HHIP: variants seen among roughly 807,000 people sequenced by gnomAD.
The protein encoded by HHIP is hedgehog-interacting protein.
HHIP carries 12 observed loss-of-function variants against 74.0 expected under a neutral mutation model. That is an observed-to-expected ratio of 0.16 (90% CI 0.10 to 0.26). HHIP has a LOEUF of 0.26. HHIP is among the 10% of genes least tolerant of loss of function. The pLI is 1.00. For synonymous variants in HHIP, 309 were observed against 311.6 expected (o/e 0.99, Z 0.09); for missense variants, 788 against 845.0 (o/e 0.93, Z 0.84).
At chr4:144,703,175 C>CT (rs1730038552) in intron 4 of HHIP, among the ~76,000 whole-genome samples, 1 of 150,916 alleles carries the variant, frequency 6.6e-6, no homozygotes, top group Non-Finnish European at 1.5e-5. Flanking sequence ...GATTGCGCCA[C>CT]TGCACTCCAG....
At chr4:144,726,664 C>A (rs572556233) in intron 11 of HHIP, among the ~76,000 whole-genome samples, 9 of 152,194 alleles carry the variant, frequency 5.9e-5, no homozygotes, top group African/African-American at 2.2e-4. Flanking sequence ...AATATCAGCA[C>A]AACATGAAAG....
At chr4:144,650,220 T>C (rs1728379846) in intron 1 of HHIP, among the ~76,000 whole-genome samples, 1 of 152,132 alleles carries the variant, frequency 6.6e-6, no homozygotes, top group Non-Finnish European at 1.5e-5. Flanking sequence ...GTATCCCCTA[T>C]TTATCTTACC....
chr4:144,730,656 G>C (rs1466210374), intron 11 of HHIP, among the ~76,000 whole-genome samples: 1 of 152,072 alleles, frequency 6.6e-6, no homozygotes, highest in East Asian at 1.9e-4. Flanking sequence ...CTAAAGTTTT[G>C]TTTAGATTCT....
chr4:144,646,840 G>A lies in HHIP; in HGVS notation c.165G>A (p.Met55Ile). Residue 55 changes from methionine to isoleucine, a missense_variant, in exon 1 of 13, where the codon ATG becomes ATA. Around this residue, in one of 3 missense-constraint regions of HHIP, gnomAD observed 373 missense variants for 366.4 expected, o/e 1.02. Coordinates refer to ENST00000296575, the MANE Select transcript of HHIP (RefSeq NM_022475.3). ...PKRLKRRDRR[M>I]MSQLELLSGG... ...GCCTGAAAAGGAGAGACAGGAGGAT[G>A]ATGTCCCAGCTGGAGCTGCTGAGTG... The A allele has an allele frequency of 6.2e-7, 1 of 1,614,240 alleles. No homozygotes were observed. The highest frequency in any genetic ancestry group is 8.5e-7 in the Non-Finnish European group (1 of 1,180,040).
chr4:144,647,040 A>G lies in HHIP; in HGVS notation c.279+86A>G. On this transcript the variant is annotated intron_variant, in intron 1 of 12. Coordinates refer to ENST00000296575, the MANE Select transcript of HHIP (RefSeq NM_022475.3). ...TGGCTCTGGCAAAGCCGGTGGTTGT[A>G]AGAAGGTCAAAACTTCTTTGGGGGA... 5 of 1,253,540 alleles carry G rather than the reference A, an allele frequency of 4.0e-6. No homozygotes were observed. The South Asian group carries it at 7.4e-5, about 19-fold the overall frequency. The allele number at this position is 1,253,540 out of a possible 1,614,324, so 77.7% of individuals were successfully genotyped here. A position where few individuals can be genotyped will look rare whatever the true frequency, so the allele number is the denominator to read the frequency against.
intron 4 of HHIP, among the ~76,000 whole-genome samples, chr4:144,666,716 G>A (rs1489890058): frequency 6.6e-6 from 1 of 152,196 alleles, no homozygotes; most frequent in African/African-American, 2.4e-5. Context: ...GACTGGTGAT[G>A]GTTGGTGTCA....
At position 144,707,245 on chromosome 4, in the gene HHIP, A is replaced by T; in HGVS notation, c.1142A>T (p.Glu381Val). ...ATGATTACACTGGATGATATGGAAG[A>T]AATGGATGGGTTAAGGTAAAAGGCT... is the stretch of plus-strand genomic sequence containing the variant. The part of the protein sequence containing the change: ...DGMITLDDME[E>V]MDGLSDFTGS... The change falls in exon 6 of 13, where the codon GAA becomes GTA. Residue 381 changes from glutamate to valine, a missense_variant. Transcript: ENST00000296575. The T allele has an allele frequency of 6.2e-7, 1 of 1,611,244 alleles. No individual in the cohort carries two copies.
intron 4 of HHIP, among the ~76,000 whole-genome samples, chr4:144,701,388 T>A (rs1349072917): frequency 6.6e-6 from 1 of 152,062 alleles, no homozygotes; most frequent in East Asian, 1.9e-4. Flanking sequence ...AATTAATCTT[T>A]GTGTCAGAAG....
chr4:144,688,212 C>A (rs902115622), intron 4 of HHIP, among the ~76,000 whole-genome samples: 1 of 152,118 alleles, frequency 6.6e-6, no homozygotes, highest in African/African-American at 2.4e-5. Flanking sequence ...TGTTCCCACC[C>A]AAGTCAGCCT....
chr4:144,711,291 G>C (rs1216256106), intron 7 of HHIP, among the ~76,000 whole-genome samples: 1 of 152,138 alleles, frequency 6.6e-6, no homozygotes, highest in Non-Finnish European at 1.5e-5. Context: ...TGTTTTGTGT[G>C]GCACAGAGAT....
chr4:144,668,996 T>C (rs1728959082), intron 4 of HHIP, among the ~76,000 whole-genome samples: 1 of 150,910 alleles, frequency 6.6e-6, no homozygotes. Context: ...ATATAATAAG[T>C]ATACACATAA....
At position 144,743,466 on chromosome 4, in the gene HHIP, A is replaced by C. The variant is rs954606452; in HGVS notation, c.*5509A>C. 1 of 152,096 alleles carries C rather than the reference A, an allele frequency of 6.6e-6. No homozygotes were observed. Among genetic ancestry groups the C allele is most frequent in the Non-Finnish European group, 1.5e-5 (1 of 67,956 alleles). The allele number at this position is 152,096 out of a possible 1,614,324, so 9.4% of individuals were successfully genotyped here. ...AACCTGTTATTCTTCTTTGAGCCAGACTAAACAGTAACATTTACAAAATGG... is the reference window on the plus strand; with the variant it reads ...AACCTGTTATTCTTCTTTGAGCCAGCCTAAACAGTAACATTTACAAAATGG... On this transcript the variant is annotated 3_prime_UTR_variant, in exon 13 of 13. Transcript: ENST00000296575.
intron 4 of HHIP, among the ~76,000 whole-genome samples, chr4:144,666,058 A>G (rs955016803): frequency 2.0e-5 from 3 of 152,204 alleles, no homozygotes; most frequent in African/African-American, 7.2e-5. Context: ...GATATCTACC[A>G]TCTTCTACAG....
At chr4:144,727,672 T>G (rs992386879) in intron 11 of HHIP, among the ~76,000 whole-genome samples, 1 of 152,188 alleles carries the variant, frequency 6.6e-6, no homozygotes. Context: ...TTCTCCTAGG[T>G]TTTCCCTGTA....
At chr4:144,687,992 C>T (rs2126630605) in intron 4 of HHIP, among the ~76,000 whole-genome samples, 1 of 151,968 alleles carries the variant, frequency 6.6e-6, no homozygotes, top group Non-Finnish European at 1.5e-5. Flanking sequence ...CTTAAGTAAT[C>T]TTCTCAATGA....
At position 144,706,635 on chromosome 4, in the gene HHIP, C is replaced by T. The variant is rs201756797; in HGVS notation, c.936C>T (p.Ile312=). ...CCACCAACCAAGAACGGTGGGCTAT[C>T]GGGCCTCATGACCACATTCTTAGGG... is the stretch of plus-strand genomic sequence containing the variant. ...SYTTNQERWA[I]GPHDHILRVV... Residue 312 remains isoleucine, a synonymous_variant, in exon 5 of 13, where the codon ATC becomes ATT. Coordinates refer to ENST00000296575, the MANE Select transcript of HHIP (RefSeq NM_022475.3). 539 of 1,613,600 alleles carry T rather than the reference C, an allele frequency of 3.3e-4. No individual in the cohort carries two copies. The highest frequency in any genetic ancestry group is 4.3e-4 in the Non-Finnish European group (502 of 1,179,782).
rs551419187 is a variant in HHIP, at chr4:144,646,637, C to T, written c.-39C>T. On this transcript the variant is annotated 5_prime_UTR_variant, in exon 1 of 13. Coordinates refer to ENST00000296575, the MANE Select transcript of HHIP (RefSeq NM_022475.3). ...CCTGCTGGGCAGTGGCGTTCCCCCC[C>T]ATCCTCCCGCGCCCAGCCCCTGCTG... is the stretch of plus-strand genomic sequence containing the variant. The T allele has an allele frequency of 1.9e-6, 3 of 1,592,624 alleles. No individual in the cohort carries two copies. Among genetic ancestry groups the T allele is most frequent in the East Asian group, 4.5e-5 (2 of 44,698 alleles).
In HHIP at chr4:144,739,703, G is replaced by T. The variant is rs1418684490; in HGVS notation, c.*1746G>T. 1 of 152,174 alleles carries T rather than the reference G, an allele frequency of 6.6e-6. No individual in the cohort carries two copies. Among genetic ancestry groups the T allele is most frequent in the East Asian group, 1.9e-4 (1 of 5,202 alleles). The allele number at this position is 152,174 out of a possible 1,614,324, so 9.4% of individuals were successfully genotyped here. ...TTCAGTGCTTAGTGAACAATAGCCT[G>T]CATTAAAAAGTGCATGCATAATTTT... On this transcript the variant is annotated 3_prime_UTR_variant, in exon 13 of 13. Coordinates refer to ENST00000296575, the MANE Select transcript of HHIP (RefSeq NM_022475.3).
chr4:144,669,123 T>A (rs1728962852), intron 4 of HHIP, among the ~76,000 whole-genome samples: 1 of 152,090 alleles, frequency 6.6e-6, no homozygotes, highest in African/African-American at 2.4e-5. Flanking sequence ...TATTTAATTT[T>A]AAAGTCTGTA....
Sources: allele counts gnomAD v4.1 joint callset (sites outside exome capture counted in the v4.1 genomes callset), GRCh38; gene constraint gnomAD v4.1.1; regional missense constraint gnomAD v4.1.1; transcripts MANE v1.5; gene names NCBI Gene and HGNC (gene_info 2026-07-23, HGNC 2026-07-21).